The following SEMA3E variants were observed in gnomAD, a reference collection of about 807,000 sequenced individuals.
SEMA3E encodes semaphorin-3E.
In SEMA3E, 49 loss-of-function variants were observed where a neutral mutation model predicts 93.6. The observed-to-expected ratio is 0.52, with a 90% confidence interval of 0.42 to 0.66. The LOEUF (loss-of-function observed/expected upper bound fraction) is 0.66, where lower values mean the gene tolerates loss of function less well. Ranked by LOEUF, SEMA3E falls within the 30% of genes least tolerant of loss-of-function variation. The pLI is 0.00. For synonymous variants in SEMA3E, 363 were observed against 330.7 expected, an observed-to-expected ratio of 1.10 and a Z score of -1.06; for missense variants, 906 against 964.8, an observed-to-expected ratio of 0.94 and a Z score of 0.81.
chr7:83,474,213 C>T (rs1454967544), intron 2 of SEMA3E, among the ~76,000 whole-genome samples: 1 of 151,660 alleles, frequency 6.6e-6, no homozygotes, highest in East Asian at 1.9e-4. Flanking sequence ...AGGCTTGTCA[C>T]TTAACTTATA....
chr7:83,582,661 G>A (rs1177787042), intron 1 of SEMA3E, among the ~76,000 whole-genome samples: 3 of 152,060 alleles, frequency 2.0e-5, no homozygotes, highest in Non-Finnish European at 4.4e-5. Context: ...ATATCTATTT[G>A]GATTGGCAGA....
At chr7:83,581,624 GTA>G (rs1348596184) in intron 1 of SEMA3E, among the ~76,000 whole-genome samples, 2 of 151,958 alleles carry the variant, frequency 1.3e-5, no homozygotes, top group African/African-American at 4.8e-5. Context: ...GCAAACATCA[GTA>G]GCTTAAATCA....
chr7:83,594,883 A>G (rs1792834615), intron 1 of SEMA3E, among the ~76,000 whole-genome samples: 1 of 151,686 alleles, frequency 6.6e-6, no homozygotes. Flanking sequence ...CAATTTGTTT[A>G]GTAATGAGTA....
At chr7:83,529,314 C>T (rs562784917) in intron 1 of SEMA3E, among the ~76,000 whole-genome samples, 1 of 152,146 alleles carries the variant, frequency 6.6e-6, no homozygotes, top group Admixed American at 6.6e-5. Flanking sequence ...TGCCCATGAC[C>T]TTGCTTTCTT....
chr7:83,496,313 C>T (rs1430648639), intron 1 of SEMA3E, among the ~76,000 whole-genome samples: 2 of 151,782 alleles, frequency 1.3e-5, no homozygotes, highest in Admixed American at 6.6e-5. Context: ...TATAATGTGT[C>T]AGAAATGAAT....
At chr7:83,495,970 G>C (rs1214429712) in intron 1 of SEMA3E, among the ~76,000 whole-genome samples, 1 of 151,892 alleles carries the variant, frequency 6.6e-6, no homozygotes. Flanking sequence ...CTATATCCAG[G>C]TACTGGTCCT....
At chr7:83,407,815 T>C (rs1033450121) in intron 6 of SEMA3E, among the ~76,000 whole-genome samples, 1 of 152,162 alleles carries the variant, frequency 6.6e-6, no homozygotes, top group African/African-American at 2.4e-5. Flanking sequence ...TCAATGACTA[T>C]GCATTTTAAA....
At chr7:83,540,095 C>T (rs1419554842) in intron 1 of SEMA3E, among the ~76,000 whole-genome samples, 1 of 152,158 alleles carries the variant, frequency 6.6e-6, no homozygotes, top group African/African-American at 2.4e-5. Context: ...GTTGGCCAGG[C>T]TGGTCCCGAA....
intron 1 of SEMA3E, among the ~76,000 whole-genome samples, chr7:83,571,706 A>C (rs1467582859): frequency 3.3e-5 from 5 of 152,188 alleles, no homozygotes. Context: ...TCAACATAGT[A>C]CTGGAAGTGC....
intron 1 of SEMA3E, among the ~76,000 whole-genome samples, chr7:83,561,287 C>G (rs1792025413): frequency 6.6e-6 from 1 of 152,042 alleles, no homozygotes; most frequent in African/African-American, 2.4e-5. Context: ...CAAAATAATA[C>G]TTGAGTTTAT....
At position 83,424,533 on chromosome 7, in the gene SEMA3E, T is replaced by G. The variant is rs184809129; in HGVS notation, c.457-6050A>C. ...CCTTCTTTCTTGGTAATTAAATCCC[T>G]AACAACAAACTCAATTTGCAAGAAG... On this transcript the variant is annotated intron_variant, in intron 4 of 16. Transcript: ENST00000643230. 3.3e-5 allele frequency among the ~76,000 whole-genome samples: 5 copies of G among 152,310 alleles called. No homozygotes were observed. The East Asian group carries it at 9.7e-4, about 29-fold the overall frequency.
intron 1 of SEMA3E, among the ~76,000 whole-genome samples, chr7:83,645,095 T>C (rs1284024149): frequency 1.3e-5 from 2 of 151,978 alleles, no homozygotes; most frequent in East Asian, 1.9e-4. Flanking sequence ...AGCTCCATTA[T>C]CAAGAAGCTT....
intron 4 of SEMA3E, among the ~76,000 whole-genome samples, chr7:83,464,037 A>T (rs1249787900): frequency 2.6e-5 from 4 of 152,090 alleles, no homozygotes; most frequent in Non-Finnish European, 5.9e-5. Context: ...TTCCTCAGTT[A>T]AGCCTTCCCA....
At chr7:83,523,036 GCAA>G (rs1791081437) in intron 1 of SEMA3E, among the ~76,000 whole-genome samples, 1 of 152,014 alleles carries the variant, frequency 6.6e-6, no homozygotes, top group Non-Finnish European at 1.5e-5. Context: ...CAGGCTAATG[GCAA>G]CACCAGCATA....
chr7:83,463,804 A>G (rs933953936), intron 4 of SEMA3E, among the ~76,000 whole-genome samples: 1 of 151,910 alleles, frequency 6.6e-6, no homozygotes, highest in African/African-American at 2.4e-5. Flanking sequence ...CTGCTATTCC[A>G]CTACTCCTCA....
chr7:83,519,231 T>C (rs887803214), intron 1 of SEMA3E, among the ~76,000 whole-genome samples: 2 of 152,062 alleles, frequency 1.3e-5, no homozygotes, highest in Non-Finnish European at 2.9e-5. Flanking sequence ...GTTTGGTTTT[T>C]TGTTCTTGCG....
intron 1 of SEMA3E, among the ~76,000 whole-genome samples, chr7:83,573,519 G>A (rs562140823): frequency 6.6e-6 from 1 of 152,080 alleles, no homozygotes; most frequent in Non-Finnish European, 1.5e-5. Context: ...AATCTTGTTT[G>A]TTTCTATCAC....
Position 83,568,956 on chromosome 7 carries a change from G to C in SEMA3E, c.116-78682C>G, listed in dbSNP as rs150407932. ...AGTCACGTTATTCTTCTTTGCTGTT[G>C]ATATGATCTTATATCTAGAATAACC... On this transcript the variant is annotated intron_variant, in intron 1 of 16. Coordinates refer to ENST00000643230, the MANE Select transcript of SEMA3E (RefSeq NM_012431.3). Among the ~76,000 whole-genome samples the C allele has an allele frequency of 7.3e-3, 1,108 of 152,104 alleles. 13 individuals are homozygous for C. Among genetic ancestry groups the C allele is most frequent in the African/African-American group, 0.025 (1,049 of 41,518 alleles).
At position 83,461,325 on chromosome 7, in the gene SEMA3E, C is replaced by A. The variant is rs561972398; in HGVS notation, c.456+5157G>T. 1.8e-4 allele frequency among the ~76,000 whole-genome samples: 27 copies of A among 152,148 alleles called. No homozygotes were observed. In the South Asian group the frequency reaches 5.4e-3, roughly 30 times the overall value. On this transcript the variant is annotated intron_variant, in intron 4 of 16. Transcript: ENST00000643230. ...TTCCTTTTCTACAGACCAATCTGAC[C>A]TCTCCCTTCCTCCCCAGGCTGCTCC...
Sources: gnomAD v4.1 joint callset for allele counts (sites outside exome capture counted in the v4.1 genomes callset) on GRCh38, gnomAD v4.1.1 for gene constraint, MANE v1.5 for transcripts, NCBI Gene and HGNC (gene_info 2026-07-23, HGNC 2026-07-21) for gene names.